Variants in FOXJ3 observed in about 807,000 individuals in gnomAD.
FOXJ3 encodes forkhead box J3.
Under a neutral mutation model 76.1 loss-of-function variants are expected in FOXJ3, and 22 were observed. That is an observed-to-expected ratio of 0.29 (90% CI 0.21 to 0.41). The LOEUF (loss-of-function observed/expected upper bound fraction) is 0.41, where lower values mean the gene tolerates loss of function less well. Among genes scored for constraint, FOXJ3 ranks in the 10% least tolerant of loss-of-function variants. FOXJ3 has a pLI of 1.00. For missense variants in FOXJ3, 613 were observed against 762.1 expected (o/e 0.80, Z 2.30); for synonymous variants, 269 against 261.2 (o/e 1.03, Z -0.29).
intron 5 of FOXJ3, among the ~76,000 whole-genome samples, chr1:42,208,800 T>C (rs1263628453): frequency 6.6e-6 from 1 of 152,252 alleles, no homozygotes; most frequent in Non-Finnish European, 1.5e-5. Flanking sequence ...ATGCACTTAA[T>C]GTACTTAACC....
chr1:42,293,953 G>A (rs920119172), intron 2 of FOXJ3, among the ~76,000 whole-genome samples: 1 of 152,174 alleles, frequency 6.6e-6, no homozygotes, highest in Non-Finnish European at 1.5e-5. Context: ...GCACTAGTAG[G>A]GGGTGGAATA....
chr1:42,321,566 T>C (rs1020089605), intron 1 of FOXJ3, among the ~76,000 whole-genome samples: 1 of 152,194 alleles, frequency 6.6e-6, no homozygotes, highest in Non-Finnish European at 1.5e-5. Flanking sequence ...GTACCAGGAC[T>C]CTTCAAAAGT....
At position 42,176,560 on chromosome 1, in the gene FOXJ3, A is replaced by G. The variant is rs1223171978; in HGVS notation, c.*3150T>C. ...TCAGTGTTGTAAATAGAGTTAACAT[A>G]ATATATTTATTTTAAGTGCCATTCA... is the stretch of plus-strand genomic sequence containing the variant. On this transcript the variant is annotated 3_prime_UTR_variant, in exon 13 of 13. Transcript: ENST00000361346. 2 of 152,604 alleles carry G rather than the reference A, an allele frequency of 1.3e-5. No homozygotes were observed. Among genetic ancestry groups the G allele is most frequent in the Non-Finnish European group, 2.9e-5 (2 of 68,020 alleles). 9.5% of individuals were successfully genotyped at this position (152,604 alleles called of 1,614,324 possible).
At chr1:42,272,149 T>C (rs1651910604) in intron 3 of FOXJ3, among the ~76,000 whole-genome samples, 2 of 152,256 alleles carry the variant, frequency 1.3e-5, no homozygotes, top group African/African-American at 4.8e-5. Context: ...CAGTTCACTC[T>C]GCATTTCTGG....
chr1:42,278,016 C>T (rs1159707952), intron 3 of FOXJ3, among the ~76,000 whole-genome samples: 1 of 150,062 alleles, frequency 6.7e-6, no homozygotes, highest in East Asian at 2.0e-4. Context: ...CTGATAAAGA[C>T]AGTTAGTACT....
Position 42,180,253 on chromosome 1 carries a change from A to G in FOXJ3, c.1754-428T>C, listed in dbSNP as rs544662177. ...CAGTGCACCAATGACGTCATACTGA[A>G]TTTTCCCCAGCAAGCTAATTTCTGT... is the stretch of plus-strand genomic sequence containing the variant. On this transcript the variant is annotated intron_variant, in intron 12 of 12. Coordinates refer to ENST00000361346, the MANE Select transcript of FOXJ3 (RefSeq NM_014947.5). Among the ~76,000 whole-genome samples the G allele has an allele frequency of 6.6e-5, 10 of 152,328 alleles. No homozygotes were observed. The East Asian group carries it at 1.7e-3, about 26-fold the overall frequency.
intron 1 of FOXJ3, among the ~76,000 whole-genome samples, chr1:42,325,050 T>C (rs1459182628): frequency 6.6e-6 from 1 of 152,228 alleles, no homozygotes; most frequent in African/African-American, 2.4e-5. Context: ...AATGTCATTA[T>C]GTGGCACATG....
chr1:42,327,451 A>T (rs1655905776), intron 1 of FOXJ3, among the ~76,000 whole-genome samples: 1 of 152,230 alleles, frequency 6.6e-6, no homozygotes, highest in Non-Finnish European at 1.5e-5. Flanking sequence ...GAAACTTTTT[A>T]AAGTTAATTT....
chr1:42,318,858 T>C (rs992533956), intron 1 of FOXJ3, among the ~76,000 whole-genome samples: 1 of 152,166 alleles, frequency 6.6e-6, no homozygotes, highest in Admixed American at 6.5e-5. Context: ...AGAAATTCTA[T>C]ACCCAAGAAA....
At chr1:42,283,037 G>A (rs1484300935) in intron 2 of FOXJ3, among the ~76,000 whole-genome samples, 2 of 152,114 alleles carry the variant, frequency 1.3e-5, no homozygotes, top group African/African-American at 4.8e-5. Flanking sequence ...GAAAGTAAGG[G>A]TACTCATAGG....
intron 4 of FOXJ3, among the ~76,000 whole-genome samples, chr1:42,240,828 C>T (rs1309492927): frequency 6.6e-6 from 1 of 152,182 alleles, no homozygotes; most frequent in African/African-American, 2.4e-5. Context: ...ATCAAAAGTG[C>T]AAGCAACCCA....
intron 1 of FOXJ3, among the ~76,000 whole-genome samples, chr1:42,316,757 A>G (rs1023048191): frequency 2.6e-5 from 4 of 152,196 alleles, no homozygotes; most frequent in Non-Finnish European, 5.9e-5. Context: ...AAAATTTGTT[A>G]AAACTATTAC....
intron 2 of FOXJ3, among the ~76,000 whole-genome samples, chr1:42,308,058 C>G (rs1167475996): frequency 2.0e-5 from 3 of 152,296 alleles, no homozygotes; most frequent in Admixed American, 1.3e-4. Context: ...CTTCTATTCA[C>G]TACCTTCACT....
intron 11 of FOXJ3, 70 bp downstream of exon 11, chr1:42,188,667 G>T: frequency 9.4e-7 from 1 of 1,068,430 alleles, no homozygotes; most frequent in Non-Finnish European, 1.3e-6. Flanking sequence ...AACCAAGTTG[G>T]TTAAGACAGT....
chr1:42,298,880 GC>G (rs1653957055), intron 2 of FOXJ3, among the ~76,000 whole-genome samples: 1 of 151,974 alleles, frequency 6.6e-6, no homozygotes, highest in Non-Finnish European at 1.5e-5. Context: ...TTCAATTTCC[GC>G]CTTAATTGCA....
intron 2 of FOXJ3, chr1:42,280,527 G>T: frequency 1.6e-6 from 1 of 612,770 alleles, no homozygotes; most frequent in Non-Finnish European, 2.0e-6. Flanking sequence ...AAGTTATAGG[G>T]ACTTGTAGAA....
chr1:42,280,186 A>C, intron 2 of FOXJ3: 1 of 316,496 alleles, frequency 3.2e-6, no homozygotes, highest in Non-Finnish European at 4.6e-6. Flanking sequence ...AGTTAATAAT[A>C]TTAGTCTAGG....
chr1:42,300,713 G>A (rs1474215703), intron 2 of FOXJ3, among the ~76,000 whole-genome samples: 1 of 152,158 alleles, frequency 6.6e-6, no homozygotes, highest in Admixed American at 6.5e-5. Context: ...GGAGGTAAAG[G>A]CTGTGGTGAG....
intron 2 of FOXJ3, among the ~76,000 whole-genome samples, chr1:42,288,204 G>C (rs912646452): frequency 6.6e-6 from 1 of 152,148 alleles, no homozygotes. Flanking sequence ...TAGTTGTAAA[G>C]ATTGATGAAC....
Sources: allele counts gnomAD v4.1 joint callset (sites outside exome capture counted in the v4.1 genomes callset), GRCh38; gene constraint gnomAD v4.1.1; transcripts MANE v1.5; gene names NCBI Gene and HGNC (gene_info 2026-07-23, HGNC 2026-07-21).